NAF1: variants seen among roughly 807,000 people sequenced by gnomAD.
NAF1 encodes the protein H/ACA ribonucleoprotein complex non-core subunit NAF1.
Under a neutral mutation model 40.6 loss-of-function variants are expected in NAF1, and 11 were observed. That is an observed-to-expected ratio of 0.27 (90% CI 0.17 to 0.45). The LOEUF is 0.45. Ranked by LOEUF, NAF1 falls within the 20% of genes least tolerant of loss-of-function variation. The pLI, the probability that NAF1 is intolerant of heterozygous loss-of-function variation, is 1.00. For missense variants in NAF1, 607 were observed against 611.1 expected (o/e 0.99, Z 0.07); for synonymous variants, 260 against 228.5 (o/e 1.14, Z -1.24).
Position 163,129,320 on chromosome 4 carries a change from A to G in NAF1, c.1062T>C (p.Asn354=), listed in dbSNP as rs1379153345. 6.2e-7 allele frequency: 1 copy of G among 1,612,400 alleles called. No individual in the cohort carries two copies. The highest frequency in any genetic ancestry group is 1.7e-5 in the Admixed American group (1 of 60,016). The part of the protein sequence containing the change: ...PGEDFTEVHQ[N]WNAHSSASEH... Reference sequence around the variant, plus strand: ...CTGAAGCAGAGCTATGAGCATTCCAATTCTGATGTACTTCAGTAAAATCTT... The same window carrying G: ...CTGAAGCAGAGCTATGAGCATTCCAGTTCTGATGTACTTCAGTAAAATCTT... The change falls in exon 8 of 8, where the codon AAT becomes AAC. Residue 354 remains asparagine (N), a synonymous_variant. Transcript: ENST00000274054.
At chr4:163,124,703 G>A (rs28418506), downstream of NAF1, among the ~76,000 whole-genome samples, 2 of 152,170 alleles carry the variant, frequency 1.3e-5, no homozygotes, top group Admixed American at 6.5e-5. Context: ...CCAGACCTAA[G>A]TGGTTAAGAC....
intron 6 of NAF1, 56 bp from the exon 7 acceptor site, chr4:163,133,312 GTACATACT>G: frequency 1.5e-6 from 2 of 1,351,666 alleles, no homozygotes; most frequent in East Asian, 4.6e-5. Context: ...CAATTCAATA[GTACATACT>G]TGGAGGTGAA....
downstream of NAF1, among the ~76,000 whole-genome samples, chr4:163,107,038 G>A (rs1397847363): frequency 6.6e-6 from 1 of 151,846 alleles, no homozygotes; most frequent in African/African-American, 2.4e-5. Context: ...CCAGGCTGGA[G>A]TGCAGTGGTG....
downstream of NAF1, among the ~76,000 whole-genome samples, chr4:163,107,881 C>T (rs1213642875): frequency 1.3e-5 from 2 of 152,088 alleles, no homozygotes; most frequent in African/African-American, 2.4e-5. Flanking sequence ...TAATATTGTA[C>T]ATTAAAAAGA....
At chr4:163,104,984 T>A in the NAF1 span, among the ~76,000 whole-genome samples, 1 of 152,356 alleles carries the variant, frequency 6.6e-6, no homozygotes, top group Non-Finnish European at 1.5e-5. Flanking sequence ...GAAATTTTCT[T>A]TATTAGACTC....
intron 2 of NAF1, among the ~76,000 whole-genome samples, chr4:163,114,260 A>G (rs1184796099): frequency 6.6e-6 from 1 of 152,200 alleles, no homozygotes; most frequent in Admixed American, 6.5e-5. Flanking sequence ...GCAATAAAGC[A>G]CTTAGTAGTC....
intron 2 of NAF1, among the ~76,000 whole-genome samples, chr4:163,152,846 G>A (rs1731773637): frequency 6.6e-6 from 1 of 152,236 alleles, no homozygotes; most frequent in African/African-American, 2.4e-5. Flanking sequence ...AGGTGTGGAG[G>A]GAGAGGCGCG....
chr4:163,130,267 A>G (rs1439061944), intron 7 of NAF1, among the ~76,000 whole-genome samples: 1 of 152,198 alleles, frequency 6.6e-6, no homozygotes, highest in Non-Finnish European at 1.5e-5. Flanking sequence ...TAAATCAAGC[A>G]AGGGTGTCAC....
At chr4:163,132,466 C>T (rs1730908829) in intron 7 of NAF1, among the ~76,000 whole-genome samples, 1 of 152,166 alleles carries the variant, frequency 6.6e-6, no homozygotes, top group Admixed American at 6.5e-5. Context: ...AAGCCTTTCC[C>T]TAATCGTACT....
chr4:163,166,390 G>A lies in NAF1; in HGVS notation c.338C>T (p.Thr113Ile). 1.2e-6 allele frequency: 2 copies of A among 1,606,556 alleles called. No individual in the cohort carries two copies. The highest frequency in any genetic ancestry group is 1.7e-6 in the Non-Finnish European group (2 of 1,176,050). ...GTCCGAGTCCGAATCCGAGTCCGAG[G>A]TCTCCAAGGAGTCCGGCGCCCGCGC... ...EPARAPDSLE[T>I]SDSDSDSDSE... is the part of the protein sequence containing the mutation. The change falls in exon 1 of 8, where the codon ACC (threonine) becomes ATC (isoleucine). Residue 113 changes from threonine to isoleucine, a missense_variant. This residue lies in a region of NAF1 where 407 missense variants were observed against 365.5 expected (regional missense o/e 1.11). Transcript: ENST00000274054.
intron 6 of NAF1, among the ~76,000 whole-genome samples, chr4:163,134,647 T>C (rs1730989187): frequency 1.3e-5 from 2 of 152,192 alleles, no homozygotes. Context: ...AAAGATAGAC[T>C]TCTTGGTATG....
intron 2 of NAF1, among the ~76,000 whole-genome samples, chr4:163,115,279 G>A (rs931354073): frequency 4.8e-5 from 7 of 145,744 alleles, no homozygotes; most frequent in Admixed American, 3.6e-4. Context: ...CGCCATCTCG[G>A]CTCACTGCAA....
At chr4:163,109,228 T>TTAC (rs754741170), downstream of NAF1, among the ~76,000 whole-genome samples, 1 of 151,520 alleles carries the variant, frequency 6.6e-6, no homozygotes, top group South Asian at 2.1e-4. Context: ...TTCGATTAAA[T>TTAC]TACTACTTTC....
At position 163,129,068 on chromosome 4, in the gene NAF1, A is replaced by C. The variant is rs1033213554; in HGVS notation, c.1314T>G (p.Pro438=). The C allele has an allele frequency of 3.3e-6, 2 of 600,724 alleles. No individual in the cohort carries two copies. 37.2% of individuals were successfully genotyped at this position (600,724 alleles called of 1,614,324 possible). The part of the protein sequence containing the change: ...VFDMHNFPLR[P]PPPPPPPPVN... ...CAGGTGGGGGTGGTGGTGGGGGTGG[A>C]GGGCGGAGGGGAAAATTATGCATGT... Residue 438 remains proline (P), a synonymous_variant, in exon 8 of 8, where the codon CCT becomes CCG. Transcript: ENST00000274054.
chr4:163,107,762 C>T (rs1730072154), downstream of NAF1, among the ~76,000 whole-genome samples: 1 of 152,160 alleles, frequency 6.6e-6, no homozygotes, highest in Non-Finnish European at 1.5e-5. Context: ...ATCCCCTCCA[C>T]CCTGCTTGCC....
the NAF1 span, among the ~76,000 whole-genome samples, chr4:163,104,587 C>A: frequency 6.6e-6 from 1 of 152,170 alleles, no homozygotes; most frequent in Non-Finnish European, 1.5e-5. Context: ...TGAAATTACT[C>A]AGCTATAGTA....
intron 2 of NAF1, among the ~76,000 whole-genome samples, chr4:163,120,962 G>A (rs1730502768): frequency 6.6e-6 from 1 of 152,040 alleles, no homozygotes; most frequent in Non-Finnish European, 1.5e-5. Context: ...AGCGATCTAG[G>A]CTCACTGCAA....
At chr4:163,145,263 A>G (rs902367561) in intron 4 of NAF1, among the ~76,000 whole-genome samples, 3 of 152,222 alleles carry the variant, frequency 2.0e-5, no homozygotes, top group Admixed American at 6.5e-5. Context: ...TTGAATGCAC[A>G]TATTTGTAAT....
At chr4:163,155,024 G>A (rs1476417485) in intron 2 of NAF1, among the ~76,000 whole-genome samples, 1 of 152,194 alleles carries the variant, frequency 6.6e-6, no homozygotes, top group East Asian at 1.9e-4. Flanking sequence ...AAGGTTCAAA[G>A]GGGATAGATC....
Sources: gnomAD v4.1 joint callset for allele counts (sites outside exome capture counted in the v4.1 genomes callset) on GRCh38, gnomAD v4.1.1 for gene constraint, gnomAD v4.1.1 regional missense constraint, MANE v1.5 for transcripts, NCBI Gene and HGNC (gene_info 2026-07-23, HGNC 2026-07-21) for gene names.